The following CEP68 variants were observed in gnomAD, a reference collection of about 807,000 sequenced individuals.
CEP68 encodes the protein centrosomal protein 68.
CEP68 carries 26 observed loss-of-function variants against 55.3 expected under a neutral mutation model. The observed-to-expected ratio is 0.47, with a 90% confidence interval of 0.34 to 0.65. The LOEUF is 0.65. Among genes scored for constraint, CEP68 ranks in the 30% least tolerant of loss-of-function variants. The pLI is 0.01. For synonymous variants in CEP68, 402 were observed against 383.2 expected (o/e 1.05, Z -0.57); for missense variants, 957 against 946.7 (o/e 1.01, Z -0.14).
At position 65,072,856 on chromosome 2, in the gene CEP68, T is replaced by C; in HGVS notation, c.1760T>C (p.Leu587Pro). 6.2e-7 allele frequency: 1 copy of C among 1,614,154 alleles called. No individual in the cohort carries two copies. The highest frequency in any genetic ancestry group is 8.5e-7 in the Non-Finnish European group (1 of 1,180,024). ...SQALGVSSGL[L>P]KTRPSLPARL... ...GCCCTCGGGGTCTCCTCTGGACTGC[T>C]GAAAACACGCCCCTCCTTGCCAGCT... Residue 587 changes from leucine (L) to proline (P), a missense_variant, in exon 3 of 7, where the codon CTG becomes CCG. By Grantham distance (98) the Leu-to-Pro change is moderately conservative. Coordinates refer to ENST00000377990, the MANE Select transcript of CEP68 (RefSeq NM_015147.3).
chr2:65,080,292 T>C, intron 5 of CEP68: 7 of 985,330 alleles, frequency 7.1e-6, no homozygotes, highest in Non-Finnish European at 8.4e-6. Flanking sequence ...ATCCAGGCTC[T>C]TTCAGATTGA....
intron 1 of CEP68, among the ~76,000 whole-genome samples, chr2:65,067,302 C>T (rs1464597053): frequency 1.3e-5 from 2 of 152,066 alleles, no homozygotes; most frequent in African/African-American, 4.8e-5. Context: ...ATCGCTTGAA[C>T]CCGGGAGGTG....
intron 6 of CEP68, 73 bp from the exon 7 acceptor site, chr2:65,083,566 G>T (rs1479776857): frequency 6.6e-6 from 1 of 152,244 alleles, no homozygotes; most frequent in African/African-American, 2.4e-5. Flanking sequence ...TAAAATGAAT[G>T]CAGGGGACTG....
At chr2:65,066,745 AATATATAT>A (rs1553384179) in intron 1 of CEP68, among the ~76,000 whole-genome samples, 4 of 58,408 alleles carry the variant, frequency 6.8e-5, no homozygotes, top group African/African-American at 3.5e-4. Context: ...AAAAAAAAAA[AATATATAT>A]ATATATATAT....
intron 5 of CEP68, among the ~76,000 whole-genome samples, chr2:65,079,839 A>C (rs1311268438): frequency 6.6e-6 from 1 of 152,188 alleles, no homozygotes; most frequent in Non-Finnish European, 1.5e-5. Context: ...CCATGTGTAA[A>C]AGTAGGCCTC....
At chr2:65,081,026 C>T (rs1240420906) in intron 5 of CEP68, among the ~76,000 whole-genome samples, 1 of 151,968 alleles carries the variant, frequency 6.6e-6, no homozygotes, top group Non-Finnish European at 1.5e-5. Flanking sequence ...GCCTGGCCAG[C>T]ATGACGAAAC....
chr2:65,060,854 C>T (rs1675878905), intron 1 of CEP68, among the ~76,000 whole-genome samples: 1 of 152,150 alleles, frequency 6.6e-6, no homozygotes, highest in South Asian at 2.1e-4. Context: ...CTCAGTCAAG[C>T]TCCTTGTAGA....
At chr2:65,079,963 G>A (rs182622032) in intron 5 of CEP68, among the ~76,000 whole-genome samples, 10 of 152,164 alleles carry the variant, frequency 6.6e-5, no homozygotes, top group Admixed American at 2.0e-4. Context: ...GAGAAACCCC[G>A]TCTCTACTAA....
intron 1 of CEP68, among the ~76,000 whole-genome samples, chr2:65,056,866 G>A (rs1363708691): frequency 1.3e-5 from 2 of 152,190 alleles, no homozygotes; most frequent in African/African-American, 4.8e-5. Flanking sequence ...TGGCGGCCGA[G>A]CAGCTGCGCC....
At chr2:65,078,571 T>C (rs1393728608) in intron 5 of CEP68, among the ~76,000 whole-genome samples, 1 of 152,186 alleles carries the variant, frequency 6.6e-6, no homozygotes, top group Non-Finnish European at 1.5e-5. Context: ...GGAGTTTCGC[T>C]CTTGTTGCCA....
chr2:65,075,954 T>C lies in CEP68; in HGVS notation c.2007+1550T>C, dbSNP rs545212523. Among the ~76,000 whole-genome samples, 204 of 152,074 alleles carry C rather than the reference T, an allele frequency of 1.3e-3. 3 individuals are homozygous for C. Among genetic ancestry groups the C allele is most frequent in the African/African-American group, 4.8e-3 (198 of 41,536 alleles). ...CTTTGTTTTCCAACTTGGGGCCAAC[T>C]AAAGTGTAGGGAGGAGCCTTGCTTG... On this transcript the variant is annotated intron_variant, in intron 4 of 6. Coordinates refer to ENST00000377990, the MANE Select transcript of CEP68 (RefSeq NM_015147.3).
chr2:65,070,336 C>T (rs1452425647), intron 2 of CEP68, among the ~76,000 whole-genome samples: 1 of 152,178 alleles, frequency 6.6e-6, no homozygotes, highest in Non-Finnish European at 1.5e-5. Context: ...GTGGGAGTCA[C>T]ATGGGGCAGG....
intron 4 of CEP68, among the ~76,000 whole-genome samples, chr2:65,075,796 C>A (rs1464008929): frequency 6.6e-6 from 1 of 152,148 alleles, no homozygotes; most frequent in Non-Finnish European, 1.5e-5. Flanking sequence ...TAAAACAATT[C>A]TTTGAATTCC....
At chr2:65,074,171 A>C (rs1431875364) in intron 3 of CEP68, 111 bp from the exon 4 acceptor site, 2 of 1,320,042 alleles carry the variant, frequency 1.5e-6, no homozygotes, top group Non-Finnish European at 2.1e-6. Flanking sequence ...GGAGAGAGGA[A>C]ACTGAAGGTG....
chr2:65,077,836 T>C (rs1676833666), intron 4 of CEP68, 32 bp from the exon 5 acceptor site: 1 of 1,524,276 alleles, frequency 6.6e-7, no homozygotes, highest in African/African-American at 1.4e-5. Flanking sequence ...GTAACGAAGC[T>C]TCTGCCTTTT....
At chr2:65,060,419 A>C (rs1361820311) in intron 1 of CEP68, among the ~76,000 whole-genome samples, 1 of 152,192 alleles carries the variant, frequency 6.6e-6, no homozygotes, top group Non-Finnish European at 1.5e-5. Context: ...TCATACGTGC[A>C]GCCTGATGAC....
rs780220102 is a variant in CEP68, at chr2:65,074,275, TC to T, written c.1885-6del. 1 of 1,613,948 alleles carries T rather than the reference TC, an allele frequency of 6.2e-7. No individual in the cohort carries two copies. The highest frequency in any genetic ancestry group is 1.7e-5 in the Admixed American group (1 of 60,018). ...AACACCATGTGTCCTTTTATTTGTCTCTGCAGACATTTTGCTGTCAGCTGGA... is the reference window on the plus strand; with the variant it reads ...AACACCATGTGTCCTTTTATTTGTCTTGCAGACATTTTGCTGTCAGCTGGA... On this transcript the variant is annotated splice_polypyrimidine_tract_variant and splice_region_variant and intron_variant, in intron 3 of 6. Transcript: ENST00000377990.
rs575247513 is a variant in CEP68, at chr2:65,083,729, C to T, written c.*95C>T. 5 of 152,236 alleles carry T rather than the reference C, an allele frequency of 3.3e-5. No individual in the cohort carries two copies. The highest frequency in any genetic ancestry group is 7.3e-5 in the Non-Finnish European group (5 of 68,044). The allele number at this position is 152,236 out of a possible 1,614,324, so 9.4% of individuals were successfully genotyped here. The stretch of plus-strand genomic sequence containing the variant: ...AGAAGTCCTTGCAAGAGCCATTCAA[C>T]ACTGAAGTCAAGGGGGAAACCTTCA... On this transcript the variant is annotated 3_prime_UTR_variant, in exon 7 of 7. Coordinates refer to ENST00000377990, the MANE Select transcript of CEP68 (RefSeq NM_015147.3).
chr2:65,061,345 T>C (rs1013417107), intron 1 of CEP68, among the ~76,000 whole-genome samples: 2 of 152,124 alleles, frequency 1.3e-5, no homozygotes, highest in African/African-American at 4.8e-5. Context: ...CCCTACCGCA[T>C]TGATCTACAG....
Sources: allele counts gnomAD v4.1 joint callset (sites outside exome capture counted in the v4.1 genomes callset), GRCh38; gene constraint gnomAD v4.1.1; transcripts MANE v1.5; gene names NCBI Gene and HGNC (gene_info 2026-07-23, HGNC 2026-07-21).